Variants in MXRA5 observed in about 807,000 individuals in gnomAD.
MXRA5 encodes matrix remodeling associated 5.
In MXRA5, 41 loss-of-function variants were observed where a neutral mutation model predicts 112.5. That is an observed-to-expected ratio of 0.36 (90% confidence interval 0.28 to 0.47). The LOEUF (loss-of-function observed/expected upper bound fraction) is 0.47, where lower values mean the gene tolerates loss of function less well. Among genes scored for constraint, MXRA5 ranks in the 20% least tolerant of loss-of-function variants. The pLI is 0.99. For missense variants in MXRA5, 2,150 were observed against 2,251.0 expected (o/e 0.96, Z 0.91); for synonymous variants, 862 against 900.8 (o/e 0.96, Z 0.77).
In MXRA5 at chrX:3,322,627, C is replaced by T; in HGVS notation, c.3058G>A (p.Asp1020Asn). 4.1e-6 allele frequency: 5 copies of T among 1,211,520 alleles called. No individual in the cohort carries two copies. The highest frequency in any genetic ancestry group is 5.6e-6 in the Non-Finnish European group (5 of 895,359). ...ACACCTGGTTCCCCTATAGTAGAATCCTCAAATAACTGTGATGTACTGGAG... is the reference window on the plus strand; with the variant it reads ...ACACCTGGTTCCCCTATAGTAGAATTCTCAAATAACTGTGATGTACTGGAG... Reference protein sequence around the residue: ...NDSSTSQLFEDSTIGEPGVPG... With the variant: ...NDSSTSQLFENSTIGEPGVPG... The change falls in exon 5 of 7, where the codon GAT (aspartate) becomes AAT (asparagine). Residue 1020 changes from aspartate to asparagine, a missense_variant. Transcript: ENST00000217939.
chrX:3,325,805 C>CATATATTTATTAATAAATATATAATA (rs1921447384), intron 4 of MXRA5, among the ~76,000 whole-genome samples: 1 of 76,925 alleles, frequency 1.3e-5, no homozygotes, highest in African/African-American at 4.8e-5. Flanking sequence ...TATAGATGTA[C>CATATATTTATTAATAAATATATAATA]ATATATTTAT....
At position 3,317,356 on chromosome X, in the gene MXRA5, T is replaced by A. The variant is rs1337220104; in HGVS notation, c.6325A>T (p.Ile2109Phe). The A allele has an allele frequency of 1.7e-6, 2 of 1,210,018 alleles. No individual in the cohort carries two copies. Among genetic ancestry groups the A allele is most frequent in the Admixed American group, 4.3e-5 (2 of 46,024 alleles). The change falls in exon 6 of 7, where the codon ATC becomes TTC. Residue 2109 changes from isoleucine to phenylalanine, a missense_variant. This residue lies in a region of MXRA5 where 1,485 missense variants were observed against 1,471.6 expected (regional missense o/e 1.01). Coordinates refer to ENST00000217939, the MANE Select transcript of MXRA5 (RefSeq NM_015419.4). ...CTGTCCTTGGGCGCGAGGTTGCGGA[T>A]GTAGAGCGTCCCGTTGGGGAAAACA... is the stretch of plus-strand genomic sequence containing the variant. Reference protein sequence around the residue: ...LFVFPNGTLYIRNLAPKDSGR... With the variant: ...LFVFPNGTLYFRNLAPKDSGR...
chrX:3,334,399 T>C (rs1921739245), intron 2 of MXRA5, among the ~76,000 whole-genome samples: 1 of 111,476 alleles, frequency 9.0e-6, no homozygotes, highest in African/African-American at 3.3e-5. Context: ...GATTCTTTTT[T>C]CAGAGAGCCC....
intron 6 of MXRA5, among the ~76,000 whole-genome samples, chrX:3,313,720 A>G (rs1921023839): frequency 8.9e-6 from 1 of 112,463 alleles, no homozygotes; most frequent in African/African-American, 3.2e-5. Context: ...TGGAGACATT[A>G]ATGGAATGAC....
At chrX:3,335,160 G>A (rs1407961085) in intron 2 of MXRA5, among the ~76,000 whole-genome samples, 1 of 111,338 alleles carries the variant, frequency 9.0e-6, no homozygotes, top group African/African-American at 3.3e-5. Context: ...ACCATACTAA[G>A]TTGCCATTTT....
In MXRA5 at chrX:3,310,831, C is replaced by T; in HGVS notation, c.7372G>A (p.Gly2458Arg). ...CAGTCAATCAGTTTCCGACTGCCCC[C>T]GGCTGCTATCTCCCGCACAGTGGTG... ...PITTVREIAA[G>R]GSRKLIDCKA... The change falls in exon 7 of 7, where the codon GGG becomes AGG. Residue 2458 changes from glycine (G) to arginine (R), a missense_variant. Transcript: ENST00000217939. 2.5e-6 allele frequency: 3 copies of T among 1,209,981 alleles called. No individual in the cohort carries two copies. The highest frequency in any genetic ancestry group is 2.2e-6 in the Non-Finnish European group (2 of 894,918).
Position 3,324,032 on chromosome X carries a change from G to A in MXRA5, c.1653C>T (p.Gly551=). 1.7e-6 allele frequency: 2 copies of A among 1,205,108 alleles called. No individual in the cohort carries two copies. Among genetic ancestry groups the A allele is most frequent in the Non-Finnish European group, 1.1e-6 (1 of 892,120 alleles). ...RIKSMEPSDS[G]LYQCIAQVRD... ...TCACTTGAGCAATGCACTGGTACAA[G>A]CCTGAGTCAGATGGCTCCATGGACT... The change falls in exon 5 of 7, where the codon GGC becomes GGT. Residue 551 remains glycine, a synonymous_variant. Coordinates refer to ENST00000217939, the MANE Select transcript of MXRA5 (RefSeq NM_015419.4).
intron 2 of MXRA5, among the ~76,000 whole-genome samples, chrX:3,333,732 T>C (rs1313418232): frequency 8.9e-6 from 1 of 111,916 alleles, no homozygotes; most frequent in Non-Finnish European, 1.9e-5. Flanking sequence ...CGAAATATAA[T>C]GCTGCAAAGA....
chrX:3,336,626 G>C (rs2146930815), intron 2 of MXRA5, among the ~76,000 whole-genome samples: 1 of 111,795 alleles, frequency 8.9e-6, no homozygotes, highest in South Asian at 3.8e-4. Flanking sequence ...AGAGATGATG[G>C]ATACACAATA....
chrX:3,325,843 C>A (rs5983124), intron 4 of MXRA5, among the ~76,000 whole-genome samples: 623 of 24,281 alleles, frequency 0.026, 9 homozygotes, highest in African/African-American at 0.059. Flanking sequence ...TATATTTATT[C>A]ATAAATAATT....
chrX:3,342,257 G>A (rs1172292071), intron 2 of MXRA5, among the ~76,000 whole-genome samples: 1 of 110,361 alleles, frequency 9.1e-6, no homozygotes, highest in Admixed American at 9.7e-5. Flanking sequence ...GGGGTTGAGG[G>A]GAGGGAACAT....
chrX:3,324,491 G>T lies in MXRA5; in HGVS notation c.1194C>A (p.Ser398Arg), dbSNP rs771676092. 8.3e-7 allele frequency: 1 copy of T among 1,211,662 alleles called. No individual in the cohort carries two copies. The highest frequency in any genetic ancestry group is 2.2e-5 in the Admixed American group (1 of 46,009). ...ACTGGTAGCTGACTCTGGGGTCTTTGCTGAGCATGAGCTCTCTGTGTAGCT... is the reference window on the plus strand; with the variant it reads ...ACTGGTAGCTGACTCTGGGGTCTTTTCTGAGCATGAGCTCTCTGTGTAGCT... ...PVKLHRELMLSKDPRVSYQYR... is the reference protein window; with the variant it reads ...PVKLHRELMLRKDPRVSYQYR... Residue 398 changes from serine to arginine, a missense_variant, in exon 5 of 7, where the codon AGC becomes AGA. Coordinates refer to ENST00000217939, the MANE Select transcript of MXRA5 (RefSeq NM_015419.4).
At position 3,335,593 on chromosome X, in the gene MXRA5, G is replaced by T. The variant is rs371657750; in HGVS notation, c.189-4820C>A. Among the ~76,000 whole-genome samples the T allele has an allele frequency of 5.3e-5, 6 of 112,305 alleles. No homozygotes were observed. The East Asian group carries it at 1.7e-3, about 31-fold the overall frequency. ...AGAGAGGGCCAAGAAGGTCTTACAG[G>T]GTATGTTTGCGGATGGCATCCTCAG... On this transcript the variant is annotated intron_variant, in intron 2 of 6. Transcript: ENST00000217939.
intron 1 of MXRA5, among the ~76,000 whole-genome samples, chrX:3,345,379 C>G (rs1327986255): frequency 8.9e-6 from 1 of 112,581 alleles, no homozygotes; most frequent in Non-Finnish European, 1.9e-5. Context: ...TCGGAGTTTT[C>G]TCTCTCGCCA....
Position 3,310,813 on chromosome X carries a change from T to G in MXRA5, c.7390A>C (p.Ile2464Leu), listed in dbSNP as rs1488414527. 2 of 1,205,648 alleles carry G rather than the reference T, an allele frequency of 1.7e-6. No individual in the cohort carries two copies. Among genetic ancestry groups the G allele is most frequent in the African/African-American group, 3.5e-5 (2 of 56,405 alleles). The stretch of plus-strand genomic sequence containing the variant: ...GGGATGCCTTCAGCTTTGCAGTCAA[T>G]CAGTTTCCGACTGCCCCCGGCTGCT... The part of the protein sequence containing the change: ...EIAAGGSRKL[I>L]DCKAEGIPTP... The change falls in exon 7 of 7, where the codon ATT becomes CTT. Residue 2464 changes from isoleucine to leucine, a missense_variant. Physicochemically the swap from Ile to Leu is conservative, Grantham distance 5. Around this residue, in one of 6 missense-constraint regions of MXRA5, gnomAD observed 93 missense variants for 135.5 expected, o/e 0.69. Coordinates refer to ENST00000217939, the MANE Select transcript of MXRA5 (RefSeq NM_015419.4).
chrX:3,343,331 A>G (rs1375745220), intron 2 of MXRA5, among the ~76,000 whole-genome samples: 5 of 112,127 alleles, frequency 4.5e-5, no homozygotes, highest in Non-Finnish European at 9.4e-5. Context: ...TCATGCATTC[A>G]CCTCAACAAT....
At chrX:3,325,821 A>G (rs1216118086) in intron 4 of MXRA5, among the ~76,000 whole-genome samples, 1 of 101,351 alleles carries the variant, frequency 9.9e-6, no homozygotes, top group African/African-American at 3.6e-5. Context: ...TTTATAAATA[A>G]ATATATAATA....
In MXRA5 at chrX:3,311,168, G is replaced by A. The variant is rs755404249; in HGVS notation, c.7035C>T (p.Pro2345=). The A allele has an allele frequency of 1.9e-4, 224 of 1,209,447 alleles. No individual in the cohort carries two copies. The highest frequency in any genetic ancestry group is 2.4e-4 in the Non-Finnish European group (218 of 895,081). ...AGTAAGTCTTGTTCCGGATGGTGGC[G>A]GGCGCTGTCACCACCTTGACTCTGA... ...MRVRVKVVTA[P]ATIRNKTYLA... The change falls in exon 7 of 7, where the codon CCC becomes CCT. Residue 2345 remains proline, a synonymous_variant. Coordinates refer to ENST00000217939, the MANE Select transcript of MXRA5 (RefSeq NM_015419.4).
Position 3,324,846 on chromosome X carries a change from A to G in MXRA5, c.839T>C (p.Ile280Thr). 1 of 1,211,860 alleles carries G rather than the reference A, an allele frequency of 8.3e-7. No individual in the cohort carries two copies. Among genetic ancestry groups the G allele is most frequent in the Non-Finnish European group, 1.1e-6 (1 of 895,556 alleles). Residue 280 changes from isoleucine to threonine, a missense_variant, in exon 5 of 7, where the codon ATA (isoleucine) becomes ACA (threonine). Ile to Thr is a moderately conservative substitution (Grantham distance 89). Around this residue, in one of 6 missense-constraint regions of MXRA5, gnomAD observed 386 missense variants for 411.0 expected, o/e 0.94. Transcript: ENST00000217939. Reference sequence around the variant, plus strand: ...CCTGTTCTGTCTCAGAGGGGACTCTATTGAAGGCTTCAGACAAGTCATGTC... The same window carrying G: ...CCTGTTCTGTCTCAGAGGGGACTCTGTTGAAGGCTTCAGACAAGTCATGTC... ...LKDMTCLKPS[I>T]ESPLRQNRSR...
Sources: gnomAD v4.1 joint callset for allele counts (sites outside exome capture counted in the v4.1 genomes callset) on GRCh38, gnomAD v4.1.1 for gene constraint, gnomAD v4.1.1 regional missense constraint, MANE v1.5 for transcripts, NCBI Gene and HGNC (gene_info 2026-07-23, HGNC 2026-07-21) for gene names.